The following RNF150 variants were observed in gnomAD, a reference collection of about 807,000 sequenced individuals.
RNF150 encodes the protein ring finger protein 150.
In RNF150, 24 loss-of-function variants were observed where a neutral mutation model predicts 39.3. That is an observed-to-expected ratio of 0.61 (90% CI 0.44 to 0.86). RNF150 has a LOEUF of 0.86. RNF150 is among the 40% of genes least tolerant of loss of function. The probability of loss-of-function intolerance (pLI) is 0.00; values close to 1 mark genes in which losing one functional copy is unlikely to be tolerated. For missense variants in RNF150, 502 were observed against 587.8 expected (o/e 0.85, Z 1.51); for synonymous variants, 255 against 227.3 (o/e 1.12, Z -1.10).
intron 1 of RNF150, among the ~76,000 whole-genome samples, chr4:141,147,017 A>G (rs1208798888): frequency 6.6e-6 from 1 of 152,180 alleles, no homozygotes; most frequent in African/African-American, 2.4e-5. Flanking sequence ...GCTGAAGTGC[A>G]GTGATGCGAT....
intron 1 of RNF150, among the ~76,000 whole-genome samples, chr4:141,131,099 A>C (rs1726881774): frequency 6.6e-6 from 1 of 152,220 alleles, no homozygotes; most frequent in African/African-American, 2.4e-5. Context: ...CTGGAGGCAA[A>C]CCAATTGAAT....
chr4:141,107,168 T>C (rs1739239406), intron 1 of RNF150, among the ~76,000 whole-genome samples: 1 of 152,212 alleles, frequency 6.6e-6, no homozygotes, highest in African/African-American at 2.4e-5. Flanking sequence ...TTAGTTAGCA[T>C]GCAGAATCAC....
intron 1 of RNF150, among the ~76,000 whole-genome samples, chr4:141,101,896 C>T (rs1193917884): frequency 6.6e-6 from 1 of 152,196 alleles, no homozygotes; most frequent in East Asian, 1.9e-4. Flanking sequence ...ATTCTCCTGC[C>T]TCAGCCTCCC....
chr4:140,915,661 G>A (rs796898095), intron 5 of RNF150, among the ~76,000 whole-genome samples: 3 of 152,196 alleles, frequency 2.0e-5, no homozygotes, highest in African/African-American at 4.8e-5. Context: ...CAGCAAATCC[G>A]CTTAAATGTC....
chr4:141,025,425 G>A (rs1560695027), intron 1 of RNF150, among the ~76,000 whole-genome samples: 1 of 152,020 alleles, frequency 6.6e-6, no homozygotes, highest in African/African-American at 2.4e-5. Flanking sequence ...TAAGAATTAT[G>A]TTGAAATAAG....
intron 1 of RNF150, among the ~76,000 whole-genome samples, chr4:141,177,064 A>AC (rs1727825849): frequency 1.3e-5 from 2 of 151,252 alleles, no homozygotes; most frequent in Admixed American, 1.3e-4. Context: ...GAAAAAAAAA[A>AC]AAAAAAAAAA....
At position 141,179,494 on chromosome 4, in the gene RNF150, C is replaced by T. The variant is rs183700747; in HGVS notation, c.-6+33300G>A. Reference sequence around the variant, plus strand: ...TCACAAATACTCTCTGGTTTTGGGGCTTTGCACTGCTAGGACAGTGTCCTT... The same window carrying T: ...TCACAAATACTCTCTGGTTTTGGGGTTTTGCACTGCTAGGACAGTGTCCTT... On this transcript the variant is annotated intron_variant, in intron 1 of 7. Coordinates refer to the RNF150 transcript ENST00000420921. Among the ~76,000 whole-genome samples the T allele has an allele frequency of 3.7e-4, 57 of 152,198 alleles. 1 individual carries two copies. The highest frequency in any genetic ancestry group is 1.9e-4 in the Non-Finnish European group (13 of 68,038).
chr4:141,028,608 A>G (rs560339656), intron 1 of RNF150, among the ~76,000 whole-genome samples: 1 of 152,332 alleles, frequency 6.6e-6, no homozygotes, highest in South Asian at 2.1e-4. Flanking sequence ...TGTAGTATGT[A>G]TCATGTTCTT....
intron 1 of RNF150, among the ~76,000 whole-genome samples, chr4:141,177,485 T>C (rs368011090): frequency 9.2e-5 from 14 of 152,086 alleles, no homozygotes; most frequent in African/African-American, 3.1e-4. Context: ...TTTCTCTCTC[T>C]CTCTCTCTCT....
intron 1 of RNF150, among the ~76,000 whole-genome samples, chr4:141,109,910 T>C (rs569618869): frequency 2.0e-5 from 3 of 152,146 alleles, no homozygotes; most frequent in Non-Finnish European, 4.4e-5. Flanking sequence ...CCAAACATAG[T>C]GCCCAAACAG....
intron 1 of RNF150, among the ~76,000 whole-genome samples, chr4:141,064,959 AG>A (rs1320726520): frequency 2.0e-5 from 3 of 152,246 alleles, no homozygotes; most frequent in African/African-American, 7.2e-5. Context: ...TCTGCCTCCT[AG>A]GTTCAAGCGA....
chr4:140,913,465 G>A (rs561448092), intron 5 of RNF150, among the ~76,000 whole-genome samples: 1 of 152,172 alleles, frequency 6.6e-6, no homozygotes, highest in South Asian at 2.1e-4. Context: ...TATTGTCCCT[G>A]TGCTCAGGAT....
intron 1 of RNF150, among the ~76,000 whole-genome samples, chr4:141,171,488 G>C (rs1190660645): frequency 6.7e-6 from 1 of 149,796 alleles, no homozygotes; most frequent in Non-Finnish European, 1.5e-5. Flanking sequence ...GAGAGAGAGA[G>C]AGAGAAAGTG....
At chr4:141,201,421 G>A (rs1728287976) in intron 1 of RNF150, among the ~76,000 whole-genome samples, 1 of 152,140 alleles carries the variant, frequency 6.6e-6, no homozygotes, top group South Asian at 2.1e-4. Flanking sequence ...TTTATTATAA[G>A]TGATTCTACA....
At chr4:141,069,375 T>C (rs1711548371) in intron 1 of RNF150, among the ~76,000 whole-genome samples, 1 of 119,812 alleles carries the variant, frequency 8.3e-6, no homozygotes, top group Non-Finnish European at 1.7e-5. Context: ...TTGATTTGCG[T>C]ATATTGAACC....
intron 1 of RNF150, among the ~76,000 whole-genome samples, chr4:141,036,554 T>C (rs1206738777): frequency 1.3e-5 from 2 of 152,152 alleles, no homozygotes; most frequent in Non-Finnish European, 2.9e-5. Flanking sequence ...TGGATTTTGT[T>C]CTATGGGTAA....
chr4:140,926,077 C>T lies in RNF150; in HGVS notation c.891-4G>A, dbSNP rs761681290. On this transcript the variant is annotated splice_region_variant and splice_polypyrimidine_tract_variant and intron_variant, in intron 4 of 6. Coordinates refer to ENST00000515673, the MANE Select transcript of RNF150 (RefSeq NM_020724.2). ...ACAGGACTTGTGGAAAAGATGCCTGCAATGAGAACCATACATCTTAGAGCG... is the reference window on the plus strand; with the variant it reads ...ACAGGACTTGTGGAAAAGATGCCTGTAATGAGAACCATACATCTTAGAGCG... 7 of 1,599,190 alleles carry T rather than the reference C, an allele frequency of 4.4e-6. No homozygotes were observed. The South Asian group carries it at 7.7e-5, about 18-fold the overall frequency.
chr4:141,022,718 A>T (rs927932816), intron 1 of RNF150, among the ~76,000 whole-genome samples: 2 of 152,224 alleles, frequency 1.3e-5, no homozygotes, highest in Non-Finnish European at 2.9e-5. Flanking sequence ...AAAAACTACC[A>T]TCAAGTTGAG....
chr4:140,882,835 C>T (rs1729426908), intron 6 of RNF150, among the ~76,000 whole-genome samples: 1 of 152,092 alleles, frequency 6.6e-6, no homozygotes, highest in Admixed American at 6.5e-5. Context: ...TTGTAGACGG[C>T]ATATAGTTAC....
Sources: allele counts gnomAD v4.1 joint callset (sites outside exome capture counted in the v4.1 genomes callset), GRCh38; gene constraint gnomAD v4.1.1; transcripts MANE v1.5; gene names NCBI Gene and HGNC (gene_info 2026-07-23, HGNC 2026-07-21).